CLCN1: variants seen among roughly 807,000 people sequenced by gnomAD.
CLCN1 encodes the protein chloride channel protein 1.
Under a neutral mutation model 114.5 loss-of-function variants are expected in CLCN1, and 100 were observed. The ratio of observed to expected loss-of-function variants is 0.87; its 90% CI spans 0.74 to 1.03. The LOEUF (loss-of-function observed/expected upper bound fraction) is 1.03. CLCN1 is among the 50% of genes least tolerant of loss of function. The pLI is 0.00. For missense variants in CLCN1, 1,188 were observed against 1,250.0 expected (o/e 0.95, Z 0.75); for synonymous variants, 485 against 487.1 (o/e 1.00, Z 0.06).
intron 5 of CLCN1, among the ~76,000 whole-genome samples, chr7:143,322,060 T>C (rs1229942059): frequency 6.6e-6 from 1 of 152,228 alleles, no homozygotes; most frequent in Admixed American, 6.5e-5. Context: ...TGGAGCAGGC[T>C]CTTAGCCTGG....
chr7:143,342,192 G>A (rs1803098312), intron 15 of CLCN1, 50 bp downstream of exon 15: 2 of 1,575,232 alleles, frequency 1.3e-6, no homozygotes, highest in South Asian at 1.1e-5. Context: ...GAGAGTGGGA[G>A]GTTCTGAGGC....
intron 2 of CLCN1, 87 bp from the exon 3 acceptor site, chr7:143,320,577 C>T: frequency 9.0e-7 from 1 of 1,114,544 alleles, no homozygotes; most frequent in East Asian, 2.6e-5. Flanking sequence ...CTCTCTCTCT[C>T]TCTCTCTCTG....
chr7:143,323,605 T>A (rs1054558243), intron 6 of CLCN1: 7 of 678,212 alleles, frequency 1.0e-5, no homozygotes, highest in Non-Finnish European at 1.9e-5. Flanking sequence ...CCACCCCTCT[T>A]TCACCTGTGG....
intron 7 of CLCN1, among the ~76,000 whole-genome samples, chr7:143,327,781 G>A (rs1802613065): frequency 6.6e-6 from 1 of 152,096 alleles, no homozygotes; most frequent in African/African-American, 2.4e-5. Context: ...CAGCCTCCCA[G>A]CAGCTGGGAC....
Position 143,345,564 on chromosome 7 carries a change from G to A in CLCN1, c.1974G>A (p.Gln658=), listed in dbSNP as rs1271606004. 7.1e-6 allele frequency: 11 copies of A among 1,546,192 alleles called. No individual in the cohort carries two copies. Among genetic ancestry groups the A allele is most frequent in the Non-Finnish European group, 7.9e-6 (9 of 1,143,768 alleles). The part of the protein sequence containing the change: ...LLGSVERSEL[Q]ALLQRHLCPE... ...GCTCGGTGGAGCGGTCGGAACTGCA[G>A]GCCCTCCTGCAGCGCCACCTGTGTC... The change falls in exon 17 of 23, where the codon CAG becomes CAA. Residue 658 remains glutamine, a synonymous_variant. Transcript: ENST00000343257.
At position 143,339,519 on chromosome 7, in the gene CLCN1, T is replaced by G; in HGVS notation, c.1480T>G (p.Phe494Val). The G allele has an allele frequency of 6.2e-7, 1 of 1,612,644 alleles. No homozygotes were observed. Among genetic ancestry groups the G allele is most frequent in the Non-Finnish European group, 8.5e-7 (1 of 1,178,650 alleles). The change falls in exon 14 of 23, where the codon TTT (phenylalanine) becomes GTT (valine). Residue 494 changes from phenylalanine (F) to valine (V), a missense_variant. Physicochemically the swap from Phe to Val is conservative, Grantham distance 50. Transcript: ENST00000343257. This position sits in a 1 kb window ranked among gnomAD's most constrained non-coding sequence, Gnocchi z 4.1. ...TTTTATCTTCCCTCTAGGAGCTGCA[T>G]TTGGAAGGCTGGTAGGAGAAATCAT... ...FMPVFVLGAA[F>V]GRLVGEIMAM...
chr7:143,342,589 G>C, intron 16 of CLCN1, 84 bp downstream of exon 16: 2 of 1,443,936 alleles, frequency 1.4e-6, no homozygotes, highest in Non-Finnish European at 1.9e-6. Context: ...CATGGTGGGG[G>C]CTTTGTCTTT....
chr7:143,340,093 G>T (rs377091219), intron 14 of CLCN1, among the ~76,000 whole-genome samples: 1 of 152,170 alleles, frequency 6.6e-6, no homozygotes, highest in Non-Finnish European at 1.5e-5. Flanking sequence ...CTGCTTCTGA[G>T]CCCTAGTTTC....
chr7:143,332,950 G>A, intron 12 of CLCN1, 77 bp downstream of exon 12: 1 of 1,481,160 alleles, frequency 6.8e-7, no homozygotes, highest in Non-Finnish European at 9.4e-7. Context: ...GCATAGGGTA[G>A]GAAGGGGTAG....
Position 143,316,369 on chromosome 7 carries a change from C to G in CLCN1, c.157C>G (p.Arg53Gly), listed in dbSNP as rs767366093. Residue 53 changes from arginine (R) to glycine (G), a missense_variant, in exon 1 of 23, where the codon CGC (arginine) becomes GGC (glycine). Transcript: ENST00000343257. ...QHRLRKDAGP[R>G]HNVHPTQIYG... is the part of the protein sequence containing the mutation. ...CAGGCTCCGGAAGGATGCAGGCCCCCGCCACAACGTCCACCCCACACAGGT... is the reference window on the plus strand; with the variant it reads ...CAGGCTCCGGAAGGATGCAGGCCCCGGCCACAACGTCCACCCCACACAGGT... The G allele has an allele frequency of 6.2e-7, 1 of 1,613,026 alleles. No homozygotes were observed. Among genetic ancestry groups the G allele is most frequent in the Non-Finnish European group, 8.5e-7 (1 of 1,180,016 alleles).
intron 17 of CLCN1, 139 bp downstream of exon 17, chr7:143,345,901 A>C: frequency 1.6e-6 from 2 of 1,261,850 alleles, no homozygotes. Context: ...GAGTCTGGTA[A>C]CTGAGAAAGC....
In CLCN1 at chr7:143,346,263, C is replaced by G. The variant is rs1472307602; in HGVS notation, c.2284+12C>G. The G allele has an allele frequency of 6.5e-6, 10 of 1,542,970 alleles. No homozygotes were observed. The highest frequency in any genetic ancestry group is 1.7e-4 in the Middle Eastern group (1 of 5,942). ...ACCAGAGCCTGCAGGTGACGCTCTT[C>G]CCTCATGCACCCCAACTCACCCCTT... On this transcript the variant is annotated intron_variant, in intron 18 of 22. Coordinates refer to ENST00000343257, the MANE Select transcript of CLCN1 (RefSeq NM_000083.3).
rs2116864822 is a variant in CLCN1, at chr7:143,339,302, T to G, written c.1451T>G (p.Phe484Cys). ...ATTMPIPCGG[F>C]MPVFVLGAAF... ...ACTATGCCCATACCCTGCGGAGGCT[T>G]CATGCCTGTGTTTGTGCTAGGTAAG... The change falls in exon 13 of 23, where the codon TTC becomes TGC. Residue 484 changes from phenylalanine (F) to cysteine (C), a missense_variant. Coordinates refer to ENST00000343257, the MANE Select transcript of CLCN1 (RefSeq NM_000083.3). This position sits in a 1 kb window ranked among gnomAD's most constrained non-coding sequence, Gnocchi z 4.1. 6.2e-7 allele frequency: 1 copy of G among 1,613,286 alleles called. No homozygotes were observed.
At chr7:143,338,242 A>AT (rs996641796) in intron 12 of CLCN1, among the ~76,000 whole-genome samples, 4 of 151,794 alleles carry the variant, frequency 2.6e-5, no homozygotes, top group Non-Finnish European at 4.4e-5. Context: ...GGCCTTAGAG[A>AT]TTTTTTTTCT....
Position 143,316,165 on chromosome 7 carries a change from A to T in CLCN1, c.-48A>T. On this transcript the variant is annotated 5_prime_UTR_variant, in exon 1 of 23. Coordinates refer to ENST00000343257, the MANE Select transcript of CLCN1 (RefSeq NM_000083.3). ...CTTAAGGAGCTACACTGGGGGAAGG[A>T]CAGGGGCAAGCAGGCCAAGGCCTGG... The T allele has an allele frequency of 1.3e-6, 2 of 1,502,848 alleles. No individual in the cohort carries two copies. The highest frequency in any genetic ancestry group is 9.2e-7 in the Non-Finnish European group (1 of 1,082,764). The allele number at this position is 1,502,848 out of a possible 1,614,324, so 93.1% of individuals were successfully genotyped here. A position where few individuals can be genotyped will look rare whatever the true frequency, so the allele number is the denominator to read the frequency against.
chr7:143,341,056 C>T (rs1025824582), intron 14 of CLCN1, among the ~76,000 whole-genome samples: 5 of 152,120 alleles, frequency 3.3e-5, no homozygotes, highest in African/African-American at 4.8e-5. Context: ...TGACCCCTTT[C>T]GCTTTATAAT....
chr7:143,328,059 C>T (rs4327779), intron 7 of CLCN1, among the ~76,000 whole-genome samples: 131,196 of 152,156 alleles, frequency 0.86, 56,911 homozygotes, highest in Admixed American at 0.93. Context: ...GTAACCAAGA[C>T]TGGGTATATG....
chr7:143,350,336 C>G lies in CLCN1; in HGVS notation c.2404-36C>G. 3 of 1,556,262 alleles carry G rather than the reference C, an allele frequency of 1.9e-6. No homozygotes were observed. Among genetic ancestry groups the G allele is most frequent in the Non-Finnish European group, 2.7e-6 (3 of 1,129,716 alleles). ...CAGGTATCTGGGGTGAAAGGAGGCT[C>G]TGTGATTTTCGTGACTTTCCTCCTC... is the stretch of plus-strand genomic sequence containing the variant. On this transcript the variant is annotated intron_variant, in intron 20 of 22. Coordinates refer to ENST00000343257, the MANE Select transcript of CLCN1 (RefSeq NM_000083.3). This position sits in a 1 kb window ranked among gnomAD's most constrained non-coding sequence, Gnocchi z 5.1.
intron 12 of CLCN1, among the ~76,000 whole-genome samples, chr7:143,338,291 C>T (rs1802968162): frequency 1.3e-5 from 2 of 152,112 alleles, no homozygotes; most frequent in South Asian, 4.1e-4. Flanking sequence ...TCAATTTACC[C>T]TTCCAGTAGC....
Sources: gnomAD v4.1 joint callset for allele counts (sites outside exome capture counted in the v4.1 genomes callset) on GRCh38, gnomAD v4.1.1 for gene constraint, Gnocchi (gnomAD v3.1) non-coding constraint, MANE v1.5 for transcripts, NCBI Gene and HGNC (gene_info 2026-07-23, HGNC 2026-07-21) for gene names.